ATP6V0A4: variants seen among roughly 807,000 people sequenced by gnomAD.
The protein encoded by ATP6V0A4 is V-type proton ATPase 116 kDa subunit a 4.
Under a neutral mutation model 107.3 loss-of-function variants are expected in ATP6V0A4, and 86 were observed. The ratio of observed to expected loss-of-function variants is 0.80; its 90% CI spans 0.67 to 0.96. The LOEUF (loss-of-function observed/expected upper bound fraction) is 0.96, where lower values mean the gene tolerates loss of function less well. Among genes scored for constraint, ATP6V0A4 ranks in the 40% least tolerant of loss-of-function variants. The probability of loss-of-function intolerance (pLI) is 0.00; values close to 1 mark genes in which losing one functional copy is unlikely to be tolerated. For synonymous variants in ATP6V0A4, 353 were observed against 381.4 expected, an observed-to-expected ratio of 0.93 and a Z score of 0.87; for missense variants, 908 against 1,045.6, an observed-to-expected ratio of 0.87 and a Z score of 1.81.
rs1195967362 is a variant in ATP6V0A4, at chr7:138,747,555, G to A, written c.1190C>T (p.Thr397Ile). 1 of 1,613,938 alleles carries A rather than the reference G, an allele frequency of 6.2e-7. No individual in the cohort carries two copies. The highest frequency in any genetic ancestry group is 1.3e-5 in the African/African-American group (1 of 74,906). Residue 397 changes from threonine to isoleucine, a missense_variant, in exon 13 of 22, where the codon ACC becomes ATC. By Grantham distance (89) the Thr-to-Ile change is moderately conservative. Transcript: ENST00000310018. ...GAACAGGAAGGGGAAAGTGATGATG[G>A]TGTAGGGGGCTGCGGAGGGGAGACA... The part of the protein sequence containing the change: ...SYREINPAPY[T>I]IITFPFLFAV...
intron 2 of ATP6V0A4, among the ~76,000 whole-genome samples, chr7:138,777,041 C>T (rs967412891): frequency 6.6e-6 from 1 of 151,780 alleles, no homozygotes; most frequent in African/African-American, 2.4e-5. Context: ...CCCAGCTACT[C>T]AGGAGGCTGA....
chr7:138,758,659 T>C (rs1274657276), intron 8 of ATP6V0A4, among the ~76,000 whole-genome samples: 1 of 150,926 alleles, frequency 6.6e-6, no homozygotes, highest in Non-Finnish European at 1.5e-5. Flanking sequence ...TGGGATCTAT[T>C]GGCAAATACA....
intron 2 of ATP6V0A4, among the ~76,000 whole-genome samples, chr7:138,783,083 G>A (rs1216711079): frequency 6.6e-6 from 1 of 152,036 alleles, no homozygotes; most frequent in East Asian, 1.9e-4. Flanking sequence ...CCAAAAAAAA[G>A]ATGGGCACAG....
chr7:138,717,240 G>A (rs753753517), intron 19 of ATP6V0A4, among the ~76,000 whole-genome samples: 20 of 152,192 alleles, frequency 1.3e-4, no homozygotes, highest in Non-Finnish European at 2.1e-4. Flanking sequence ...TCTGCAGGAG[G>A]ATGGAGGAGA....
chr7:138,716,409 T>C (rs1361750355), intron 19 of ATP6V0A4, among the ~76,000 whole-genome samples: 1 of 151,612 alleles, frequency 6.6e-6, no homozygotes, highest in Non-Finnish European at 1.5e-5. Flanking sequence ...GGCAGGTTAC[T>C]CTGGTAGCAT....
chr7:138,730,260 G>T (rs929428334), intron 17 of ATP6V0A4, among the ~76,000 whole-genome samples: 3 of 151,878 alleles, frequency 2.0e-5, no homozygotes, highest in Non-Finnish European at 4.4e-5. Flanking sequence ...CCTAGTACCC[G>T]CACACAATGC....
In ATP6V0A4 at chr7:138,747,439, T is replaced by C; in HGVS notation, c.1306A>G (p.Lys436Glu). The C allele has an allele frequency of 6.2e-7, 1 of 1,614,176 alleles. No individual in the cohort carries two copies. The highest frequency in any genetic ancestry group is 1.1e-5 in the South Asian group (1 of 91,082). Residue 436 changes from lysine (K) to glutamate (E), a missense_variant, in exon 13 of 22, where the codon AAG (lysine) becomes GAG (glutamate). By Grantham distance (56) the Lys-to-Glu change is moderately conservative. Transcript: ENST00000310018. ...ILNERRLLSQ[K>E]TDNEIWNTFF... ...TGGACACTCACCTCATTGTCTGTCT[T>C]CTGGGAGAGCAAGCGTCTCTCATTC...
At chr7:138,751,894 T>C (rs1304733845) in intron 11 of ATP6V0A4, among the ~76,000 whole-genome samples, 2 of 152,102 alleles carry the variant, frequency 1.3e-5, no homozygotes, top group Non-Finnish European at 2.9e-5. Flanking sequence ...TCCTAGCCAC[T>C]TGGGAGGCTG....
In ATP6V0A4 at chr7:138,726,231, C is replaced by T. The variant is rs544082100; in HGVS notation, c.2010+2530G>A. Among the ~76,000 whole-genome samples the T allele has an allele frequency of 3.4e-4, 51 of 152,216 alleles. No homozygotes were observed. The East Asian group carries it at 7.9e-3, about 24-fold the overall frequency. ...GTCTCGATCTCCTGACCTTGTGATC[C>T]GCCCGCCTCGGCCTCCCAAAGTGCT... On this transcript the variant is annotated intron_variant, in intron 18 of 21. Coordinates refer to ENST00000310018, the MANE Select transcript of ATP6V0A4 (RefSeq NM_020632.3).
intron 20 of ATP6V0A4, among the ~76,000 whole-genome samples, chr7:138,711,925 C>T (rs1803764590): frequency 6.6e-6 from 1 of 152,194 alleles, no homozygotes; most frequent in Non-Finnish European, 1.5e-5. Context: ...GACTGTCACC[C>T]ACTTTGTTCC....
chr7:138,794,529 C>G (rs1400276750), intron 1 of ATP6V0A4, among the ~76,000 whole-genome samples: 1 of 152,102 alleles, frequency 6.6e-6, no homozygotes, highest in Non-Finnish European at 1.5e-5. Context: ...AAATTGGAAG[C>G]AGTAAGAGCC....
chr7:138,706,570 G>T lies in ATP6V0A4; in HGVS notation c.*54C>A. The T allele has an allele frequency of 6.2e-7, 1 of 1,601,360 alleles. No homozygotes were observed. Among genetic ancestry groups the T allele is most frequent in the South Asian group, 1.1e-5 (1 of 90,744 alleles). ...TTGCAGGGGCTGATATCAAAGACAA[G>T]ACTGAACTTCCTTCATTGGCATGGT... On this transcript the variant is annotated 3_prime_UTR_variant, in exon 22 of 22. Transcript: ENST00000310018.
chr7:138,740,084 G>T (rs1435798458), intron 14 of ATP6V0A4, among the ~76,000 whole-genome samples: 1 of 132,596 alleles, frequency 7.5e-6, no homozygotes, highest in Non-Finnish European at 1.6e-5. Context: ...AACAGAGTGA[G>T]ACTCTGTTGA....
In ATP6V0A4 at chr7:138,706,517, G is replaced by T; in HGVS notation, c.*107C>A. ...ATACACAGTTTCATGCTTCAGGTGA[G>T]CCAAGAACAACCTTCCCATTGAGCG... is the stretch of plus-strand genomic sequence containing the variant. On this transcript the variant is annotated 3_prime_UTR_variant, in exon 22 of 22. Coordinates refer to ENST00000310018, the MANE Select transcript of ATP6V0A4 (RefSeq NM_020632.3). The T allele has an allele frequency of 7.4e-7, 1 of 1,344,908 alleles. No homozygotes were observed. Among genetic ancestry groups the T allele is most frequent in the Non-Finnish European group, 1.0e-6 (1 of 959,616 alleles). The allele number at this position is 1,344,908 out of a possible 1,614,324, so 83.3% of individuals were successfully genotyped here. A position where few individuals can be genotyped will look rare whatever the true frequency, so the allele number is the denominator to read the frequency against.
intron 15 of ATP6V0A4, among the ~76,000 whole-genome samples, chr7:138,735,637 C>T (rs1314394142): frequency 6.6e-6 from 1 of 152,176 alleles, no homozygotes; most frequent in Non-Finnish European, 1.5e-5. Context: ...GGTGCCCAGA[C>T]CCCAGAGATG....
chr7:138,711,767 T>C (rs1336355963), intron 20 of ATP6V0A4, among the ~76,000 whole-genome samples: 2 of 152,216 alleles, frequency 1.3e-5, no homozygotes, highest in Non-Finnish European at 2.9e-5. Context: ...TTCATTTCCT[T>C]GCACAAACTC....
At chr7:138,707,239 T>G (rs1401229965) in intron 21 of ATP6V0A4, among the ~76,000 whole-genome samples, 12 of 88,040 alleles carry the variant, frequency 1.4e-4, no homozygotes, top group African/African-American at 5.9e-4. Flanking sequence ...ATATAATATA[T>G]ATTATATTAT....
At chr7:138,784,172 A>T (rs1316884786) in intron 2 of ATP6V0A4, among the ~76,000 whole-genome samples, 1 of 148,834 alleles carries the variant, frequency 6.7e-6, no homozygotes, top group Non-Finnish European at 1.5e-5. Context: ...GTGCCATTGA[A>T]TTTTTTAAAA....
intron 18 of ATP6V0A4, among the ~76,000 whole-genome samples, chr7:138,723,859 A>C (rs1804565915): frequency 6.6e-6 from 1 of 151,968 alleles, no homozygotes; most frequent in African/African-American, 2.4e-5. Flanking sequence ...TCTGCACTTA[A>C]CATTTGCAGG....
Sources: allele counts gnomAD v4.1 joint callset (sites outside exome capture counted in the v4.1 genomes callset), GRCh38; gene constraint gnomAD v4.1.1; transcripts MANE v1.5; gene names NCBI Gene and HGNC (gene_info 2026-07-23, HGNC 2026-07-21).